PDE7A: variants seen among roughly 807,000 people sequenced by gnomAD.
PDE7A encodes the protein phosphodiesterase 7A, also known as high affinity 3',5'-cyclic-AMP phosphodiesterase 7A.
In PDE7A, 39 loss-of-function variants were observed where a neutral mutation model predicts 64.3. The ratio of observed to expected loss-of-function variants is 0.61; its 90% CI spans 0.47 to 0.79. PDE7A has a LOEUF of 0.79. PDE7A is among the 30% of genes least tolerant of loss of function. The pLI is 0.00. For synonymous variants in PDE7A, 203 were observed against 206.8 expected, an observed-to-expected ratio of 0.98 and a Z score of 0.16; for missense variants, 470 against 582.8, an observed-to-expected ratio of 0.81 and a Z score of 1.99.
At chr8:65,770,100 CTTA>C (rs1390681611) in intron 3 of PDE7A, among the ~76,000 whole-genome samples, 1 of 150,474 alleles carries the variant, frequency 6.6e-6, no homozygotes, top group Admixed American at 6.6e-5. Flanking sequence ...TAACATTTGT[CTTA>C]TTACTTGCAG....
At chr8:65,788,476 A>G (rs1204516377) in intron 1 of PDE7A, among the ~76,000 whole-genome samples, 3 of 152,156 alleles carry the variant, frequency 2.0e-5, no homozygotes, top group Non-Finnish European at 4.4e-5. Context: ...AAAGTTTATA[A>G]TTGTTTAGAA....
intron 1 of PDE7A, among the ~76,000 whole-genome samples, chr8:65,803,947 T>C (rs956172140): frequency 1.3e-5 from 2 of 152,164 alleles, no homozygotes; most frequent in Non-Finnish European, 2.9e-5. Context: ...GCACCTCTCC[T>C]ACACACAGAC....
chr8:65,728,647 T>C (rs1806708598), intron 7 of PDE7A: 1 of 120,654 alleles, frequency 8.3e-6, no homozygotes, highest in African/African-American at 2.6e-5. Context: ...ATATAAAGCA[T>C]ACTGCATATA....
rs183995448 is a variant in PDE7A, at chr8:65,769,995, T to G, written c.283+9725A>C. The stretch of plus-strand genomic sequence containing the variant: ...TGAATAATTTCATAATACCATACTC[T>G]TAAAAATTTTTGTCCAGAGATAATT... On this transcript the variant is annotated intron_variant, in intron 3 of 12. Coordinates refer to ENST00000401827, the MANE Select transcript of PDE7A (RefSeq NM_001242318.3). Among the ~76,000 whole-genome samples, 55 of 152,328 alleles carry G rather than the reference T, an allele frequency of 3.6e-4. 1 individual carries two copies. The highest frequency in any genetic ancestry group is 3.2e-3 in the Admixed American group (49 of 15,294).
At chr8:65,739,693 A>T in intron 5 of PDE7A, 96 bp from the exon 6 acceptor site, 1 of 1,206,632 alleles carries the variant, frequency 8.3e-7, no homozygotes, top group Non-Finnish European at 1.1e-6. Flanking sequence ...AAAACATGGA[A>T]AGAGTAATAA....
At chr8:65,781,603 A>T (rs940719548) in intron 2 of PDE7A, among the ~76,000 whole-genome samples, 6 of 152,066 alleles carry the variant, frequency 3.9e-5, no homozygotes. Context: ...TTCAATATGG[A>T]GTGTGTAAGA....
chr8:65,805,040 C>CTCTA (rs1284965640), intron 1 of PDE7A, among the ~76,000 whole-genome samples: 1 of 151,892 alleles, frequency 6.6e-6, no homozygotes, highest in Non-Finnish European at 1.5e-5. Context: ...GATGGACTCT[C>CTCTA]CCTATATTGC....
At chr8:65,752,540 T>C (rs1436877656) in intron 3 of PDE7A, among the ~76,000 whole-genome samples, 1 of 152,208 alleles carries the variant, frequency 6.6e-6, no homozygotes, top group Non-Finnish European at 1.5e-5. Flanking sequence ...TTTTTGCCCT[T>C]GTAAGTGACT....
At chr8:65,798,202 A>T (rs371937389) in intron 1 of PDE7A, among the ~76,000 whole-genome samples, 481 of 24,546 alleles carry the variant, frequency 0.02, 12 homozygotes, top group African/African-American at 0.059. Flanking sequence ...ATATATATAT[A>T]TATATTTTTT....
chr8:65,745,319 A>C, intron 5 of PDE7A, 88 bp downstream of exon 5: 1 of 790,874 alleles, frequency 1.3e-6, no homozygotes, highest in Non-Finnish European at 2.3e-6. Context: ...ACCTTAGTAC[A>C]GTAAATGAAA....
intron 3 of PDE7A, among the ~76,000 whole-genome samples, chr8:65,748,462 A>AT (rs963453738): frequency 3.3e-5 from 5 of 152,256 alleles, no homozygotes; most frequent in African/African-American, 4.8e-5. Flanking sequence ...TAACATAGCC[A>AT]TTTTTTCCCT....
intron 1 of PDE7A, among the ~76,000 whole-genome samples, chr8:65,809,894 T>G (rs976571239): frequency 6.6e-6 from 1 of 152,190 alleles, no homozygotes; most frequent in African/African-American, 2.4e-5. Flanking sequence ...TTTACACTGT[T>G]GGTGGGAGTG....
At chr8:65,805,621 C>T (rs1810091184) in intron 1 of PDE7A, among the ~76,000 whole-genome samples, 2 of 152,164 alleles carry the variant, frequency 1.3e-5, no homozygotes, top group Admixed American at 1.3e-4. Flanking sequence ...TATCGTTTTT[C>T]AGTTGTCCCA....
At chr8:65,805,067 C>T (rs1195820194) in intron 1 of PDE7A, among the ~76,000 whole-genome samples, 1 of 152,110 alleles carries the variant, frequency 6.6e-6, no homozygotes, top group African/African-American at 2.4e-5. Flanking sequence ...TGATTTGGAA[C>T]TCCTGGACTC....
At chr8:65,724,563 T>C (rs1406736582) in intron 10 of PDE7A, among the ~76,000 whole-genome samples, 3 of 152,182 alleles carry the variant, frequency 2.0e-5, no homozygotes, top group Non-Finnish European at 2.9e-5. Flanking sequence ...ATCAGAAATC[T>C]TGAGTATGAA....
chr8:65,766,850 GGT>G (rs1463050111), intron 3 of PDE7A, among the ~76,000 whole-genome samples: 1 of 152,128 alleles, frequency 6.6e-6, no homozygotes, highest in African/African-American at 2.4e-5. Context: ...TACCTTAATG[GGT>G]GTAATACTTA....
At position 65,714,813 on chromosome 8, in the gene PDE7A, T is replaced by C. The variant is rs1806069854; in HGVS notation, c.*4477A>G. ...GAAAGCATTTTGGAAAAAAAGATCA[T>C]TTTCAGAATCTTCAAGGAATTACTA... On this transcript the variant is annotated 3_prime_UTR_variant, in exon 13 of 13. Transcript: ENST00000401827. 4 of 152,204 alleles carry C rather than the reference T, an allele frequency of 2.6e-5. No individual in the cohort carries two copies. Among genetic ancestry groups the C allele is most frequent in the Non-Finnish European group, 5.9e-5 (4 of 68,050 alleles). The allele number at this position is 152,204 out of a possible 1,614,324, so 9.4% of individuals were successfully genotyped here. A position where few individuals can be genotyped will look rare whatever the true frequency, so the allele number is the denominator to read the frequency against.
In PDE7A at chr8:65,780,521, A is replaced by T. The variant is rs570408538; in HGVS notation, c.200-718T>A. 7.2e-5 allele frequency among the ~76,000 whole-genome samples: 11 copies of T among 152,272 alleles called. No homozygotes were observed. The South Asian group carries it at 2.3e-3, about 32-fold the overall frequency. Reference sequence around the variant, plus strand: ...ATTTATTTTTCTATACAGCAACATAACCATAGCAACCATGTTCTAGACACT... The same window carrying T: ...ATTTATTTTTCTATACAGCAACATATCCATAGCAACCATGTTCTAGACACT... On this transcript the variant is annotated intron_variant, in intron 2 of 12. Transcript: ENST00000401827.
intron 1 of PDE7A, among the ~76,000 whole-genome samples, chr8:65,826,053 G>T (rs2128933397): frequency 6.6e-6 from 1 of 152,270 alleles, no homozygotes; most frequent in South Asian, 2.1e-4. Context: ...AAGAGCCTGA[G>T]TCTGACAAAA....
Sources: gnomAD v4.1 joint callset for allele counts (sites outside exome capture counted in the v4.1 genomes callset) on GRCh38, gnomAD v4.1.1 for gene constraint, MANE v1.5 for transcripts, NCBI Gene and HGNC (gene_info 2026-07-23, HGNC 2026-07-21) for gene names.